TEX14: variants seen among roughly 807,000 people sequenced by gnomAD.
TEX14 encodes the protein inactive serine/threonine-protein kinase TEX14.
Under a neutral mutation model 178.6 loss-of-function variants are expected in TEX14, and 168 were observed. That is an observed-to-expected ratio of 0.94 (90% CI 0.83 to 1.07). The LOEUF is 1.07. Ranked by LOEUF, TEX14 falls within the 50% of genes least tolerant of loss-of-function variation. The pLI is 0.00. For missense variants in TEX14, 1,730 were observed against 1,753.6 expected, an observed-to-expected ratio of 0.99 and a Z score of 0.24; for synonymous variants, 626 against 634.1, an observed-to-expected ratio of 0.99 and a Z score of 0.19.
At chr17:58,651,488 A>G (rs1719364711) in intron 2 of TEX14, among the ~76,000 whole-genome samples, 1 of 152,186 alleles carries the variant, frequency 6.6e-6, no homozygotes, top group Non-Finnish European at 1.5e-5. Flanking sequence ...GGAAATAAGG[A>G]GCAAGGAAGG....
At chr17:58,576,096 A>C (rs1352972327) in intron 21 of TEX14, among the ~76,000 whole-genome samples, 2 of 152,254 alleles carry the variant, frequency 1.3e-5, no homozygotes, top group Non-Finnish European at 2.9e-5. Flanking sequence ...AGAATAAAAT[A>C]AATTGAATGT....
At chr17:58,658,635 C>T (rs1186513381) in intron 1 of TEX14, among the ~76,000 whole-genome samples, 1 of 152,040 alleles carries the variant, frequency 6.6e-6, no homozygotes, top group Non-Finnish European at 1.5e-5. Context: ...AAGTGATCCA[C>T]CCACCTCGGC....
chr17:58,666,452 C>T (rs1052361757), intron 1 of TEX14: 3 of 110,040 alleles, frequency 2.7e-5, no homozygotes, highest in Non-Finnish European at 1.9e-5. Flanking sequence ...AACAAACCTT[C>T]CACGGCAAAA....
chr17:58,664,659 G>A (rs972642024), intron 1 of TEX14, among the ~76,000 whole-genome samples: 5 of 152,102 alleles, frequency 3.3e-5, no homozygotes, highest in Non-Finnish European at 4.4e-5. Flanking sequence ...GCCACATTAC[G>A]ATTTTGAAGG....
intron 1 of TEX14, among the ~76,000 whole-genome samples, chr17:58,683,925 C>T (rs774321099): frequency 6.6e-6 from 1 of 150,818 alleles, no homozygotes; most frequent in Non-Finnish European, 1.5e-5. Flanking sequence ...ATTAGCTGGG[C>T]GTGGTGGTGC....
At chr17:58,633,982 A>AT (rs1298763035) in intron 2 of TEX14, among the ~76,000 whole-genome samples, 1 of 151,880 alleles carries the variant, frequency 6.6e-6, no homozygotes, top group East Asian at 1.9e-4. Flanking sequence ...AAAAAAAAAA[A>AT]AGCAAATAAG....
In TEX14 at chr17:58,599,066, A is replaced by G. The variant is rs115075895; in HGVS notation, c.2279T>C (p.Met760Thr). 6.2e-6 allele frequency: 10 copies of G among 1,614,156 alleles called. No individual in the cohort carries two copies. The African/African-American group carries it at 1.1e-4, about 17-fold the overall frequency. Residue 760 changes from methionine to threonine, a missense_variant, in exon 14 of 32, where the codon ATG becomes ACG. Met to Thr is a moderately conservative substitution (Grantham distance 81, BLOSUM62 -1). Around this residue, in one of 2 missense-constraint regions of TEX14, gnomAD observed 941 missense variants for 1,072.4 expected, o/e 0.88. Transcript: ENST00000349033. ...NIEQILDEVE[M>T]KQKEQEERMS... ...GCGCTCTTCCTGTTCCTTCTGTTTC[A>G]TCTCGACTTCATCTAATATCTGCTC...
intron 1 of TEX14, 132 bp downstream of exon 1, chr17:58,691,807 G>C (rs2047735824): frequency 6.6e-6 from 1 of 152,076 alleles, no homozygotes; most frequent in Non-Finnish European, 1.5e-5. Flanking sequence ...CTGTAATTTA[G>C]AGGCGGTCAC....
At chr17:58,637,902 C>T (rs2046475605) in intron 2 of TEX14, among the ~76,000 whole-genome samples, 2 of 149,166 alleles carry the variant, frequency 1.3e-5, no homozygotes, top group Non-Finnish European at 3.0e-5. Context: ...TGCTCTGTCA[C>T]CCAGGCTGGA....
intron 15 of TEX14, among the ~76,000 whole-genome samples, chr17:58,592,640 G>A (rs897314937): frequency 6.6e-6 from 1 of 151,142 alleles, no homozygotes; most frequent in Non-Finnish European, 1.5e-5. Flanking sequence ...AGCTGTTCAA[G>A]CTATTATTGA....
At chr17:58,649,470 T>G (rs1428766860) in intron 2 of TEX14, among the ~76,000 whole-genome samples, 4 of 152,180 alleles carry the variant, frequency 2.6e-5, no homozygotes, top group African/African-American at 9.7e-5. Context: ...TCGCCCCTTA[T>G]TCTGCACTCT....
At chr17:58,615,978 C>G (rs973890293) in intron 7 of TEX14, among the ~76,000 whole-genome samples, 197 bp downstream of exon 7, 1 of 152,162 alleles carries the variant, frequency 6.6e-6, no homozygotes, top group Non-Finnish European at 1.5e-5. Flanking sequence ...CTACAATGCA[C>G]AGGACTACTC....
intron 12 of TEX14, 59 bp downstream of exon 12, chr17:58,602,341 C>T: frequency 4.0e-6 from 6 of 1,482,476 alleles, no homozygotes; most frequent in Non-Finnish European, 5.5e-6. Flanking sequence ...TTGTCTCTAA[C>T]TCCCTATTCT....
intron 10 of TEX14, among the ~76,000 whole-genome samples, chr17:58,610,066 CGCAGGGGAGAGCCTCT>C (rs2045708709): frequency 6.6e-6 from 1 of 152,154 alleles, no homozygotes; most frequent in Admixed American, 6.5e-5. Context: ...AGTAAGGAAG[CGCAGGGGAGAGCCTCT>C]GCCTCTCAAA....
intron 28 of TEX14, among the ~76,000 whole-genome samples, chr17:58,563,992 GA>G (rs923635853): frequency 9.4e-5 from 14 of 148,296 alleles, no homozygotes; most frequent in Admixed American, 5.4e-4. Context: ...CTATATTTAA[GA>G]AAAAAAAAGC....
chr17:58,616,743 T>G (rs2045882514), intron 6 of TEX14, among the ~76,000 whole-genome samples: 1 of 152,186 alleles, frequency 6.6e-6, no homozygotes, highest in African/African-American at 2.4e-5. Context: ...TATATTATCT[T>G]TAATCTTTCT....
chr17:58,654,756 C>T (rs1300825779), intron 1 of TEX14, among the ~76,000 whole-genome samples: 1 of 151,992 alleles, frequency 6.6e-6, no homozygotes, highest in Non-Finnish European at 1.5e-5. Flanking sequence ...ATCTGCCCAC[C>T]TTGGCCTCCC....
At chr17:58,643,387 C>T (rs1459415071) in intron 2 of TEX14, among the ~76,000 whole-genome samples, 3 of 152,062 alleles carry the variant, frequency 2.0e-5, no homozygotes, top group Admixed American at 6.6e-5. Flanking sequence ...TCAAATACAG[C>T]CTACCCAAGC....
At chr17:58,615,447 A>G in intron 7 of TEX14, 102 bp from the exon 8 acceptor site, 1 of 755,118 alleles carries the variant, frequency 1.3e-6, no homozygotes, top group Non-Finnish European at 2.3e-6. Flanking sequence ...TGGTCTCCAC[A>G]CAGAACCTGC....
Sources: allele counts gnomAD v4.1 joint callset (sites outside exome capture counted in the v4.1 genomes callset), GRCh38; gene constraint gnomAD v4.1.1; regional missense constraint gnomAD v4.1.1; transcripts MANE v1.5; gene names NCBI Gene and HGNC (gene_info 2026-07-23, HGNC 2026-07-21).